FN1: variants seen among roughly 807,000 people sequenced by gnomAD.
FN1 encodes the protein fibronectin.
In FN1, 106 loss-of-function variants were observed where a neutral mutation model predicts 297.3. The observed-to-expected ratio is 0.36, with a 90% CI of 0.30 to 0.42. The LOEUF (loss-of-function observed/expected upper bound fraction) is 0.42. Among genes scored for constraint, FN1 ranks in the 10% least tolerant of loss-of-function variants. FN1 has a pLI of 1.00. For missense variants in FN1, 2,690 were observed against 3,124.9 expected, an observed-to-expected ratio of 0.86 and a Z score of 3.32; for synonymous variants, 1,149 against 1,152.6, an observed-to-expected ratio of 1.00 and a Z score of 0.06.
At chr2:215,383,013 T>TTG (rs2058421932) in intron 31 of FN1, among the ~76,000 whole-genome samples, 1 of 151,796 alleles carries the variant, frequency 6.6e-6, no homozygotes, top group Non-Finnish European at 1.5e-5. Flanking sequence ...TTTTTTTTTT[T>TTG]TTTCCCTGAG....
Position 215,372,310 on chromosome 2 carries a change from G to T in FN1, c.6313C>A (p.Pro2105Thr). The T allele has an allele frequency of 6.2e-7, 1 of 1,614,212 alleles. No homozygotes were observed. Among genetic ancestry groups the T allele is most frequent in the East Asian group, 2.2e-5 (1 of 44,884 alleles). The change falls in exon 40 of 46, where the codon CCT (proline) becomes ACT (threonine). Residue 2105 changes from proline (P) to threonine (T), a missense_variant. Around this residue, in one of 3 missense-constraint regions of FN1, gnomAD observed 1,743 missense variants for 1,945.2 expected, o/e 0.90. Transcript: ENST00000354785. ...AAAGGGGTCTTTTGAACTGTGGAAG[G>T]AACATCCAAGATCTCTGGTCCATGA... ...NLHGPEILDV[P>T]STVQKTPFVT... is the part of the protein sequence containing the mutation.
At chr2:215,393,250 A>G (rs1242958861) in intron 24 of FN1, 47 bp from the exon 25 acceptor site, 1 of 1,593,284 alleles carries the variant, frequency 6.3e-7, no homozygotes, top group East Asian at 2.2e-5. Flanking sequence ...AGGAAAATAG[A>G]GGGAAAAAAA....
chr2:215,421,296 A>T (rs1190763863), intron 10 of FN1: 1 of 224,374 alleles, frequency 4.5e-6, no homozygotes, highest in Non-Finnish European at 8.9e-6. Context: ...TCACAACGCT[A>T]AAATAAATTA....
rs569874287 is a variant in FN1, at chr2:215,379,215, C to T, written c.5537G>A (p.Arg1846Gln). The T allele has an allele frequency of 8.1e-6, 13 of 1,614,068 alleles. No homozygotes were observed. The highest frequency in any genetic ancestry group is 4.4e-5 in the South Asian group (4 of 91,080). ...PNVQLTGYRVRVTPKEKTGPM... is the reference protein window; with the variant it reads ...PNVQLTGYRVQVTPKEKTGPM... ...TCCGGTCTTCTCCTTGGGGGTCACC[C>T]GCACTCGATATCCAGTGAGCTGAAC... The change falls in exon 34 of 46, where the codon CGG (arginine) becomes CAG (glutamine). Residue 1846 changes from arginine (R) to glutamine (Q), a missense_variant. Transcript: ENST00000354785.
intron 38 of FN1, among the ~76,000 whole-genome samples, chr2:215,374,960 C>G (rs1229567571): frequency 6.6e-6 from 1 of 152,206 alleles, no homozygotes; most frequent in Non-Finnish European, 1.5e-5. Context: ...AGGTATCTGG[C>G]AAACTTGCAG....
At chr2:215,420,540 C>T in intron 11 of FN1, 133 bp downstream of exon 11, 1 of 1,154,728 alleles carries the variant, frequency 8.7e-7, no homozygotes. Context: ...GAAGACTTTG[C>T]AAAGTTCTTT....
rs756991133 is a variant in FN1, at chr2:215,397,698, C to T, written c.3499G>A (p.Val1167Ile). The T allele has an allele frequency of 3.7e-6, 6 of 1,614,056 alleles. No homozygotes were observed. The highest frequency in any genetic ancestry group is 3.4e-6 in the Non-Finnish European group (4 of 1,179,946). The change falls in exon 22 of 46, where the codon GTA (valine) becomes ATA (isoleucine). Residue 1167 changes from valine to isoleucine, a missense_variant. Val to Ile is a conservative substitution (Grantham distance 29). Around this residue, in one of 3 missense-constraint regions of FN1, gnomAD observed 1,743 missense variants for 1,945.2 expected, o/e 0.90. Coordinates refer to ENST00000354785, the MANE Select transcript of FN1 (RefSeq NM_212482.4). Reference sequence around the variant, plus strand: ...TTCTTACGTGTCACCACTTTGTTTACAATTGGCGCATCTCTTTCCTGTCCA... The same window carrying T: ...TTCTTACGTGTCACCACTTTGTTTATAATTGGCGCATCTCTTTCCTGTCCA... ...RDGQERDAPI[V>I]NKVVTPLSPP... is the part of the protein sequence containing the mutation.
intron 33 of FN1, chr2:215,379,634 A>C (rs1439675478): frequency 7.3e-6 from 2 of 274,096 alleles, no homozygotes; most frequent in Non-Finnish European, 1.4e-5. Flanking sequence ...CTTATTGGCC[A>C]TTATGATTTA....
intron 18 of FN1, 72 bp from the exon 19 acceptor site, chr2:215,406,582 A>G (rs533345285): frequency 1.3e-6 from 2 of 1,507,058 alleles, no homozygotes; most frequent in Non-Finnish European, 1.8e-6. Context: ...AGTTTCTTGG[A>G]TATGTTAGGC....
rs199911725 is a variant in FN1, at chr2:215,414,919, G to A, written c.1859C>T (p.Pro620Leu). ...GPVEVFITET[P>L]SQPNSHPIQW... is the part of the protein sequence containing the mutation. ...GATGGGGTGGGAGTTGGGCTGACTC[G>A]GAGTCTCAGTGATAAATACTTCGAC... Residue 620 changes from proline (P) to leucine (L), a missense_variant, in exon 13 of 46, where the codon CCG becomes CTG. Pro to Leu is a moderately conservative substitution (Grantham distance 98). Around this residue, in one of 3 missense-constraint regions of FN1, gnomAD observed 876 missense variants for 1,058.1 expected, o/e 0.83. Coordinates refer to ENST00000354785, the MANE Select transcript of FN1 (RefSeq NM_212482.4). 5 of 1,613,706 alleles carry A rather than the reference G, an allele frequency of 3.1e-6. No individual in the cohort carries two copies. In the African/African-American group the frequency reaches 4.0e-5, roughly 13 times the overall value.
At position 215,419,398 on chromosome 2, in the gene FN1, G is replaced by C. The variant is rs1463731272; in HGVS notation, c.1676-13C>G. The stretch of plus-strand genomic sequence containing the variant: ...TCCTGGCATTGGTCTAAAATACATG[G>C]AAGGAAAAGATAAACAGCCTTGAAG... On this transcript the variant is annotated splice_polypyrimidine_tract_variant and intron_variant, in intron 11 of 45. Transcript: ENST00000354785. The C allele has an allele frequency of 6.2e-7, 1 of 1,609,412 alleles. No individual in the cohort carries two copies. Among genetic ancestry groups the C allele is most frequent in the Admixed American group, 1.7e-5 (1 of 60,012 alleles).
intron 23 of FN1, among the ~76,000 whole-genome samples, 185 bp downstream of exon 23, chr2:215,396,952 T>G (rs1352055697): frequency 6.6e-6 from 1 of 152,226 alleles, no homozygotes; most frequent in Non-Finnish European, 1.5e-5. Context: ...GTGATTGAAG[T>G]CAACGTGCAT....
At chr2:215,421,088 T>C (rs918581730) in intron 10 of FN1, 2 of 388,830 alleles carry the variant, frequency 5.1e-6, no homozygotes, top group African/African-American at 4.1e-5. Context: ...GAAGCCAGTA[T>C]TTGAACAAAT....
At chr2:215,425,039 T>C in intron 7 of FN1, 55 bp downstream of exon 7, 1 of 1,507,298 alleles carries the variant, frequency 6.6e-7, no homozygotes, top group South Asian at 1.1e-5. Context: ...GTATTGTCCT[T>C]CAAAAACTAA....
chr2:215,433,271 A>G, intron 3 of FN1, 53 bp downstream of exon 3: 1 of 1,602,920 alleles, frequency 6.2e-7, no homozygotes, highest in Non-Finnish European at 8.5e-7. Context: ...TGATGGTAAC[A>G]GAGAAATTCA....
chr2:215,401,234 G>GAAA (rs1461466310), intron 20 of FN1, among the ~76,000 whole-genome samples: 2 of 56,046 alleles, frequency 3.6e-5, no homozygotes, highest in African/African-American at 8.7e-5. Flanking sequence ...AAGAAAGAAA[G>GAAA]AAAGAAAGAA....
rs964170347 is a variant in FN1 at position 215,434,830 on chromosome 2, A to C, written c.149-6T>G. ...TCCATTGTCATAACAACCGGCTGCA[A>C]ATAATTGAAGGAAAACGTTACATTT... On this transcript the variant is annotated splice_polypyrimidine_tract_variant and splice_region_variant and intron_variant, in intron 1 of 45. Transcript: ENST00000354785. 6.3e-7 allele frequency: 1 copy of C among 1,590,496 alleles called. No homozygotes were observed.
rs1410502532 is a variant in FN1, at chr2:215,407,320, C to T, written c.2520G>A (p.Gly840=). 7.4e-6 allele frequency: 12 copies of T among 1,613,620 alleles called. 1 individual carries two copies. The highest frequency in any genetic ancestry group is 6.8e-6 in the Non-Finnish European group (8 of 1,179,676). Residue 840 remains glycine (G), a splice_region_variant and synonymous_variant, in exon 18 of 46, where the codon GGG becomes GGA. Transcript: ENST00000354785. ...RWSRPQAPIT[G]YRIVYSPSVE... ...CTGATGGCGAATAGACTATTCTGTA[C>T]CCTGCAGATTCATGAGCAAAAGTAA...
chr2:215,424,097 A>C (rs1297267307), intron 8 of FN1, 49 bp downstream of exon 8: 1 of 1,567,174 alleles, frequency 6.4e-7, no homozygotes, highest in Admixed American at 1.7e-5. Context: ...AAACTAGGGC[A>C]TGAAAGTGAG....
Sources: allele counts gnomAD v4.1 joint callset (sites outside exome capture counted in the v4.1 genomes callset), GRCh38; gene constraint gnomAD v4.1.1; regional missense constraint gnomAD v4.1.1; transcripts MANE v1.5; gene names NCBI Gene and HGNC (gene_info 2026-07-23, HGNC 2026-07-21).